The following SLC25A12 variants were observed in gnomAD, a reference collection of about 807,000 sequenced individuals.
SLC25A12 encodes electrogenic aspartate/glutamate antiporter SLC25A12, mitochondrial.
In SLC25A12, 32 loss-of-function variants were observed where a neutral mutation model predicts 83.3. That is an observed-to-expected ratio of 0.38 (90% CI 0.29 to 0.52). SLC25A12 has a LOEUF of 0.52. Among genes scored for constraint, SLC25A12 ranks in the 20% least tolerant of loss-of-function variants. The pLI, the probability that SLC25A12 is intolerant of heterozygous loss-of-function variation, is 0.84. For synonymous variants in SLC25A12, 267 were observed against 291.1 expected (o/e 0.92, Z 0.84); for missense variants, 611 against 835.6 (o/e 0.73, Z 3.31).
rs1295161151 is a variant in SLC25A12, at chr2:171,784,778, T to C, written c.*496A>G. The stretch of plus-strand genomic sequence containing the variant: ...AATGGAAAACAAACTAGGAATTAAA[T>C]ACATCCAATATTGATGCTTTATTTC... On this transcript the variant is annotated 3_prime_UTR_variant, in exon 18 of 18. Transcript: ENST00000422440. The C allele has an allele frequency of 1.7e-5, 3 of 171,606 alleles. No homozygotes were observed. The highest frequency in any genetic ancestry group is 7.2e-5 in the African/African-American group (3 of 41,818). The allele number at this position is 171,606 out of a possible 1,614,324, so 10.6% of individuals were successfully genotyped here.
chr2:171,844,133 G>A (rs1363350081), intron 5 of SLC25A12, among the ~76,000 whole-genome samples: 1 of 152,046 alleles, frequency 6.6e-6, no homozygotes, highest in Non-Finnish European at 1.5e-5. Context: ...CAATTAAAAA[G>A]TATTTAAAAG....
intron 4 of SLC25A12, among the ~76,000 whole-genome samples, chr2:171,850,814 G>C (rs575342939): frequency 1.6e-4 from 24 of 152,290 alleles, no homozygotes; most frequent in Admixed American, 4.6e-4. Flanking sequence ...AGTGAGAAAG[G>C]GTACATTTTT....
At chr2:171,854,098 A>C (rs1410947913) in intron 4 of SLC25A12, among the ~76,000 whole-genome samples, 2 of 152,202 alleles carry the variant, frequency 1.3e-5, no homozygotes, top group Non-Finnish European at 2.9e-5. Context: ...GAAAATAGAA[A>C]ATGCAGCATT....
chr2:171,802,107 C>A (rs183726101), intron 13 of SLC25A12, among the ~76,000 whole-genome samples: 1 of 152,276 alleles, frequency 6.6e-6, no homozygotes, highest in East Asian at 1.9e-4. Context: ...TACTGAGCAA[C>A]TGTATACACA....
intron 2 of SLC25A12, among the ~76,000 whole-genome samples, chr2:171,877,056 T>C (rs144564569): frequency 1.1e-4 from 16 of 152,332 alleles, no homozygotes; most frequent in African/African-American, 3.6e-4. Context: ...TAAATTTACA[T>C]TGAGTATAGT....
chr2:171,842,220 A>T (rs1317061655), intron 5 of SLC25A12, among the ~76,000 whole-genome samples: 1 of 152,110 alleles, frequency 6.6e-6, no homozygotes, highest in African/African-American at 2.4e-5. Context: ...AAAGGAATAA[A>T]GCACTGATAC....
In SLC25A12 at chr2:171,826,862, A is replaced by G; in HGVS notation, c.866T>C (p.Ile289Thr). 5 of 1,610,056 alleles carry G rather than the reference A, an allele frequency of 3.1e-6. No individual in the cohort carries two copies. Among genetic ancestry groups the G allele is most frequent in the Non-Finnish European group, 4.3e-6 (5 of 1,176,458 alleles). Residue 289 changes from isoleucine (I) to threonine (T), a missense_variant, in exon 9 of 18, where the codon ATT (isoleucine) becomes ACT (threonine). Ile to Thr is a moderately conservative substitution (Grantham distance 89, BLOSUM62 -1). Around this residue, in one of 3 missense-constraint regions of SLC25A12, gnomAD observed 540 missense variants for 777.5 expected, o/e 0.69. Coordinates refer to ENST00000422440, the MANE Select transcript of SLC25A12 (RefSeq NM_003705.5). ...CTCAGCCAATGGGGCTATTCTCTCAATATCTGCCAAAGTCAAGCGCCTTCA... is the reference window on the plus strand; with the variant it reads ...CTCAGCCAATGGGGCTATTCTCTCAGTATCTGCCAAAGTCAAGCGCCTTCA... The part of the protein sequence containing the change: ...NASGRLTLAD[I>T]ERIAPLAEGA...
At chr2:171,875,971 T>A (rs925810699) in intron 2 of SLC25A12, among the ~76,000 whole-genome samples, 2 of 147,798 alleles carry the variant, frequency 1.4e-5, no homozygotes, top group Admixed American at 6.7e-5. Context: ...CATTTAAAAA[T>A]TTTTAAAGTA....
At chr2:171,888,232 C>T (rs1198889369) in intron 2 of SLC25A12, among the ~76,000 whole-genome samples, 1 of 150,942 alleles carries the variant, frequency 6.6e-6, no homozygotes, top group African/African-American at 2.4e-5. Context: ...GCAGCTAGGA[C>T]CACAGGCATG....
rs368919933 is a variant in SLC25A12, at chr2:171,894,169, T to C, written c.12+34A>G. The C allele has an allele frequency of 2.7e-4, 436 of 1,603,150 alleles. 1 individual carries two copies. The highest frequency in any genetic ancestry group is 6.6e-4 in the Middle Eastern group (4 of 6,050). The stretch of plus-strand genomic sequence containing the variant: ...GGCAGGGCGCTCGGAATGTCTCTTA[T>C]GCAATAAAAGCAGCAGCAGAGAGTT... On this transcript the variant is annotated intron_variant, in intron 1 of 17. Coordinates refer to ENST00000422440, the MANE Select transcript of SLC25A12 (RefSeq NM_003705.5).
At chr2:171,824,786 C>T (rs1252755903) in intron 9 of SLC25A12, among the ~76,000 whole-genome samples, 1 of 151,690 alleles carries the variant, frequency 6.6e-6, no homozygotes. Flanking sequence ...GGATCTGAGA[C>T]CTCCTAATGG....
rs560209892 is a variant in SLC25A12 at position 171,876,077 on chromosome 2, G to A, written c.67-7254C>T. Among the ~76,000 whole-genome samples the A allele has an allele frequency of 5.9e-5, 9 of 152,162 alleles. No individual in the cohort carries two copies. In the South Asian group the frequency reaches 1.5e-3, roughly 25 times the overall value. On this transcript the variant is annotated intron_variant, in intron 2 of 17. Coordinates refer to ENST00000422440, the MANE Select transcript of SLC25A12 (RefSeq NM_003705.5). ...TAGCACAAACCACAAAGGACACAGC[G>A]GCTAACAAAGAAAACAAATGCTTTA...
intron 4 of SLC25A12, among the ~76,000 whole-genome samples, chr2:171,853,501 C>G (rs948172809): frequency 6.6e-6 from 1 of 152,028 alleles, no homozygotes; most frequent in South Asian, 2.1e-4. Flanking sequence ...CCAACATGGG[C>G]GAAGCCCCGT....
chr2:171,801,907 C>CTGTGTGTGTGTGTGTG (rs3058854), intron 13 of SLC25A12, among the ~76,000 whole-genome samples: 2 of 145,498 alleles, frequency 1.4e-5, no homozygotes, highest in African/African-American at 5.1e-5. Context: ...ATATCTGGAT[C>CTGTGTGTGTGTGTGTG]TGTGTGTGTG....
chr2:171,821,211 T>C (rs1193294404), intron 9 of SLC25A12, among the ~76,000 whole-genome samples: 1 of 151,714 alleles, frequency 6.6e-6, no homozygotes, highest in Non-Finnish European at 1.5e-5. Flanking sequence ...TTTGTATTTT[T>C]TGTAGAGATG....
chr2:171,828,011 A>G (rs1684347478), intron 8 of SLC25A12, among the ~76,000 whole-genome samples: 1 of 152,186 alleles, frequency 6.6e-6, no homozygotes, highest in African/African-American at 2.4e-5. Flanking sequence ...CTAAGCATGA[A>G]GGCAACTGCA....
chr2:171,874,509 G>A (rs753857110), intron 2 of SLC25A12, among the ~76,000 whole-genome samples: 6 of 152,210 alleles, frequency 3.9e-5, no homozygotes, highest in African/African-American at 1.4e-4. Context: ...TAAAAGAGGG[G>A]GGAGCACATG....
Position 171,844,478 on chromosome 2 carries a change from A to G in SLC25A12, c.356T>C (p.Ile119Thr). The part of the protein sequence containing the change: ...ENVKEIFGQT[I>T]IHHHIPFNWD... ...GTTAAAAGGGATATGATGATGAATA[A>G]TAGTCTGTCCAAAAATTTCTTTGAC... is the stretch of plus-strand genomic sequence containing the variant. The change falls in exon 5 of 18, where the codon ATT becomes ACT. Residue 119 changes from isoleucine (I) to threonine (T), a missense_variant. By Grantham distance (89) the Ile-to-Thr change is moderately conservative. Around this residue, in one of 3 missense-constraint regions of SLC25A12, gnomAD observed 540 missense variants for 777.5 expected, o/e 0.69. Coordinates refer to ENST00000422440, the MANE Select transcript of SLC25A12 (RefSeq NM_003705.5). 1 of 1,606,016 alleles carries G rather than the reference A, an allele frequency of 6.2e-7. No individual in the cohort carries two copies. Among genetic ancestry groups the G allele is most frequent in the Non-Finnish European group, 8.5e-7 (1 of 1,172,738 alleles).
At chr2:171,874,516 C>T (rs1211219744) in intron 2 of SLC25A12, among the ~76,000 whole-genome samples, 1 of 152,160 alleles carries the variant, frequency 6.6e-6, no homozygotes, top group African/African-American at 2.4e-5. Context: ...GGGGGGAGCA[C>T]ATGAAAACAT....
Sources: allele counts gnomAD v4.1 joint callset (sites outside exome capture counted in the v4.1 genomes callset), GRCh38; gene constraint gnomAD v4.1.1; regional missense constraint gnomAD v4.1.1; transcripts MANE v1.5; gene names NCBI Gene and HGNC (gene_info 2026-07-23, HGNC 2026-07-21).